The following BEND4 variants were observed in gnomAD, a reference collection of about 807,000 sequenced individuals.
BEND4 encodes the protein BEN domain-containing protein 4.
A neutral mutation model predicts 54.7 loss-of-function variants in BEND4; 27 were observed. That is an observed-to-expected ratio of 0.49 (90% CI 0.36 to 0.68). The LOEUF is 0.68. BEND4 is among the 30% of genes least tolerant of loss of function. BEND4 has a pLI of 0.00. For missense variants in BEND4, 702 were observed against 697.2 expected (o/e 1.01, Z -0.08); for synonymous variants, 327 against 299.5 (o/e 1.09, Z -0.95).
chr4:42,131,792 T>TAA (rs537082844), intron 3 of BEND4, among the ~76,000 whole-genome samples: 3 of 144,876 alleles, frequency 2.1e-5, no homozygotes, highest in African/African-American at 5.0e-5. Context: ...GGTCAATTGT[T>TAA]AAAAAAAAAA....
chr4:42,135,205 G>C (rs1374415941), intron 3 of BEND4, among the ~76,000 whole-genome samples: 1 of 152,134 alleles, frequency 6.6e-6, no homozygotes, highest in African/African-American at 2.4e-5. Flanking sequence ...GTGTGTAAGA[G>C]GTAGCACCCA....
chr4:42,117,874 G>C (rs1032688498), intron 5 of BEND4, 139 bp from the exon 6 acceptor site: 2 of 627,698 alleles, frequency 3.2e-6, no homozygotes, highest in African/African-American at 3.7e-5. Context: ...GCAATGCCAT[G>C]ATGATGTCAC....
chr4:42,141,694 C>T (rs13139615), intron 3 of BEND4, among the ~76,000 whole-genome samples: 24,324 of 152,080 alleles, frequency 0.16, 2,053 homozygotes, highest in Middle Eastern at 0.19. Context: ...TGAGCCAAGA[C>T]GGCACCACTG....
At chr4:42,144,387 C>T (rs1475100186) in intron 2 of BEND4, among the ~76,000 whole-genome samples, 1 of 152,160 alleles carries the variant, frequency 6.6e-6, no homozygotes, top group Non-Finnish European at 1.5e-5. Context: ...GGGCTTAAAG[C>T]AATCATTACT....
intron 2 of BEND4, among the ~76,000 whole-genome samples, chr4:42,150,637 C>T (rs1360685983): frequency 3.9e-5 from 6 of 152,238 alleles, no homozygotes; most frequent in Admixed American, 3.9e-4. Flanking sequence ...AGTGGATAAA[C>T]GTGGCTGCAC....
At chr4:42,134,189 T>C (rs1720610871) in intron 3 of BEND4, among the ~76,000 whole-genome samples, 1 of 152,254 alleles carries the variant, frequency 6.6e-6, no homozygotes, top group East Asian at 1.9e-4. Context: ...CATTAAAATC[T>C]TGATGAGAGT....
chr4:42,152,021 G>C lies in BEND4; in HGVS notation c.123C>G (p.Tyr41Ter). ...GCAGCTCCACCAGGGTGGGTCGCTC[G>C]TAGCGCTTGGCCAGCGCCGGTCTCT... ...PSKRPALAKRYERPTLVELPH... is the reference protein window; with the variant it reads ...PSKRPALAKR The change falls in exon 2 of 6, where the codon TAC (tyrosine) becomes TAG (stop). Residue 41 changes from tyrosine to a stop codon, truncating the protein, a stop_gained. Coordinates refer to ENST00000502486, the MANE Select transcript of BEND4 (RefSeq NM_207406.4). LOFTEE classifies it high-confidence loss of function. 8.0e-7 allele frequency: 1 copy of C among 1,253,044 alleles called. No individual in the cohort carries two copies. Among genetic ancestry groups the C allele is most frequent in the Non-Finnish European group, 1.0e-6 (1 of 992,638 alleles). The allele number at this position is 1,253,044 out of a possible 1,614,324, so 77.6% of individuals were successfully genotyped here.
At chr4:42,131,367 C>T (rs541346134) in intron 3 of BEND4, among the ~76,000 whole-genome samples, 2 of 152,098 alleles carry the variant, frequency 1.3e-5, no homozygotes, top group East Asian at 1.9e-4. Context: ...AAAGTGTTAA[C>T]GATAATAGTT....
intron 3 of BEND4, among the ~76,000 whole-genome samples, chr4:42,130,820 T>C (rs113960659): frequency 0.051 from 7,816 of 152,150 alleles, 701 homozygotes; most frequent in African/African-American, 0.18. Context: ...ACCCAAATGC[T>C]CATCAGTGAT....
intron 2 of BEND4, among the ~76,000 whole-genome samples, chr4:42,145,476 C>T (rs1369322008): frequency 1.3e-5 from 2 of 152,008 alleles, no homozygotes; most frequent in African/African-American, 2.4e-5. Context: ...GGGCAGATCA[C>T]GAGGTGGGAG....
intron 2 of BEND4, among the ~76,000 whole-genome samples, chr4:42,147,446 C>G (rs1721114649): frequency 6.6e-6 from 1 of 151,260 alleles, no homozygotes; most frequent in South Asian, 2.1e-4. Context: ...ATTCTTAACT[C>G]AGCAAACTGT....
In BEND4 at chr4:42,152,066, G is replaced by A. The variant is rs1344539946; in HGVS notation, c.78C>T (p.Val26=). 5.6e-6 allele frequency: 7 copies of A among 1,253,070 alleles called. No individual in the cohort carries two copies. Among genetic ancestry groups the A allele is most frequent in the Admixed American group, 4.2e-5 (1 of 23,788 alleles). 77.6% of individuals were successfully genotyped at this position (1,253,070 alleles called of 1,614,324 possible). A position where few individuals can be genotyped will look rare whatever the true frequency, so the allele number is the denominator to read the frequency against. ...KIYKQRSPYS[V]LKTFPSKRPA... ...GTCTCTTGCTGGGGAACGTCTTGAG[G>A]ACGCTGTAGGGGCTGCGCTGCTTGT... Residue 26 remains valine (V), a synonymous_variant, in exon 2 of 6, where the codon GTC becomes GTT. Coordinates refer to ENST00000502486, the MANE Select transcript of BEND4 (RefSeq NM_207406.4).
chr4:42,144,519 G>T lies in BEND4; in HGVS notation c.488-525C>A, dbSNP rs577520040. The stretch of plus-strand genomic sequence containing the variant: ...ATAAGTCTTTTTGAAGAGCTCACTA[G>T]AAATTTAAGGTAAAACAAAGAGTAG... On this transcript the variant is annotated intron_variant, in intron 2 of 5. Transcript: ENST00000502486. Among the ~76,000 whole-genome samples, 98 of 152,340 alleles carry T rather than the reference G, an allele frequency of 6.4e-4. 1 individual carries two copies. The highest frequency in any genetic ancestry group is 2.3e-3 in the African/African-American group (95 of 41,578).
At chr4:42,123,008 G>GA (rs1162375428) in intron 4 of BEND4, among the ~76,000 whole-genome samples, 2 of 152,062 alleles carry the variant, frequency 1.3e-5, no homozygotes, top group African/African-American at 4.8e-5. Flanking sequence ...CAAAACCTTT[G>GA]AAAAAATCCA....
intron 5 of BEND4, 194 bp downstream of exon 5, chr4:42,119,860 A>G: frequency 1.6e-6 from 1 of 622,516 alleles, no homozygotes; most frequent in South Asian, 1.9e-5. Context: ...ACTAAGAGAG[A>G]ACAACAACGC....
intron 2 of BEND4, among the ~76,000 whole-genome samples, chr4:42,150,344 C>G (rs189651014): frequency 4.7e-5 from 6 of 127,542 alleles, no homozygotes; most frequent in Admixed American, 4.2e-4. Flanking sequence ...CACCTAAGAA[C>G]CCCACTGAAA....
chr4:42,134,640 T>C (rs1220239505), intron 3 of BEND4, among the ~76,000 whole-genome samples: 1 of 152,132 alleles, frequency 6.6e-6, no homozygotes, highest in Non-Finnish European at 1.5e-5. Flanking sequence ...CACAGACGCA[T>C]ATAGAGTAAC....
intron 3 of BEND4, among the ~76,000 whole-genome samples, chr4:42,136,269 C>T (rs948999218): frequency 2.0e-5 from 3 of 152,104 alleles, no homozygotes; most frequent in African/African-American, 4.8e-5. Context: ...ACTCTAAGGG[C>T]GTTTTGTTCT....
intron 3 of BEND4, among the ~76,000 whole-genome samples, chr4:42,136,263 T>G (rs2153146418): frequency 6.6e-6 from 1 of 152,276 alleles, no homozygotes; most frequent in South Asian, 2.1e-4. Flanking sequence ...GCATCTACTC[T>G]AAGGGCGTTT....
Sources: allele counts gnomAD v4.1 joint callset (sites outside exome capture counted in the v4.1 genomes callset), GRCh38; gene constraint gnomAD v4.1.1; transcripts MANE v1.5; gene names NCBI Gene and HGNC (gene_info 2026-07-23, HGNC 2026-07-21).